Variants in MGAT4C observed in about 807,000 individuals in gnomAD.
MGAT4C encodes alpha-1,3-mannosyl-glycoprotein 4-beta-N-acetylglucosaminyltransferase C.
A neutral mutation model predicts 40.1 loss-of-function variants in MGAT4C; 19 were observed. The observed-to-expected ratio is 0.47, with a 90% CI of 0.33 to 0.70. The LOEUF (loss-of-function observed/expected upper bound fraction) is 0.70. MGAT4C is among the 30% of genes least tolerant of loss of function. MGAT4C has a pLI of 0.02. For synonymous variants in MGAT4C, 181 were observed against 187.1 expected, an observed-to-expected ratio of 0.97 and a Z score of 0.27; for missense variants, 491 against 563.2, an observed-to-expected ratio of 0.87 and a Z score of 1.30.
At chr12:86,212,761 G>A (rs1950524718) in intron 1 of MGAT4C, among the ~76,000 whole-genome samples, 1 of 129,694 alleles carries the variant, frequency 7.7e-6, no homozygotes, top group African/African-American at 2.8e-5. Flanking sequence ...GCGTAGTGGC[G>A]GTCGCCTGTA....
At chr12:86,022,359 C>T (rs532144577) in intron 2 of MGAT4C, 4 of 152,328 alleles carry the variant, frequency 2.6e-5, no homozygotes, top group East Asian at 1.9e-4. Flanking sequence ...TCTCCACTTA[C>T]TGAAGCCCTA....
intron 1 of MGAT4C, among the ~76,000 whole-genome samples, chr12:86,821,618 T>C (rs1054671882): frequency 1.3e-4 from 19 of 151,006 alleles, no homozygotes; most frequent in African/African-American, 4.6e-4. Flanking sequence ...TCTAATTGTA[T>C]TTTTGTACCC....
intron 2 of MGAT4C, among the ~76,000 whole-genome samples, chr12:86,601,838 G>A (rs747012621): frequency 2.6e-5 from 4 of 152,160 alleles, no homozygotes; most frequent in Non-Finnish European, 5.9e-5. Context: ...ACTTGCTGTG[G>A]GCGACAAGGA....
intron 1 of MGAT4C, among the ~76,000 whole-genome samples, chr12:86,182,191 G>T (rs1888204699): frequency 6.6e-6 from 1 of 152,054 alleles, no homozygotes; most frequent in South Asian, 2.1e-4. Flanking sequence ...AATGTTTGAA[G>T]ATAGCTTTCA....
At chr12:86,237,631 G>A (rs139685829) in intron 1 of MGAT4C, among the ~76,000 whole-genome samples, 59 of 151,838 alleles carry the variant, frequency 3.9e-4, no homozygotes, top group African/African-American at 1.2e-3. Flanking sequence ...ATTAAGCAGA[G>A]AGATAATGTC....
intron 3 of MGAT4C, among the ~76,000 whole-genome samples, chr12:86,373,551 C>A (rs1393571063): frequency 6.6e-6 from 1 of 151,706 alleles, no homozygotes. Flanking sequence ...AAACAGTATC[C>A]CAGAGCAGAT....
intron 4 of MGAT4C, among the ~76,000 whole-genome samples, chr12:86,321,360 G>C (rs1180046085): frequency 6.6e-6 from 1 of 152,062 alleles, no homozygotes; most frequent in Non-Finnish European, 1.5e-5. Flanking sequence ...TTTAATTTAA[G>C]TTATGCCATA....
At chr12:86,105,013 A>T (rs1875888727) in intron 1 of MGAT4C, among the ~76,000 whole-genome samples, 1 of 152,152 alleles carries the variant, frequency 6.6e-6, no homozygotes, top group South Asian at 2.1e-4. Context: ...GATGGACTTA[A>T]TTACAAAGGC....
intron 2 of MGAT4C, among the ~76,000 whole-genome samples, chr12:86,650,089 T>A (rs1438524002): frequency 6.6e-6 from 1 of 151,880 alleles, no homozygotes; most frequent in Non-Finnish European, 1.5e-5. Flanking sequence ...TACTTTTTCA[T>A]GGCATTCTAT....
rs559677003 is a variant in MGAT4C, at chr12:86,153,343, A to C, written c.-57+102896T>G. On this transcript the variant is annotated intron_variant, in intron 1 of 4. Coordinates refer to ENST00000611864, the MANE Select transcript of MGAT4C (RefSeq NM_001351288.2). ...ACACAACAAAGTAAAATATTTAATA[A>C]ATTGTTTGAGGTAAATCATGAAAGT... is the stretch of plus-strand genomic sequence containing the variant. Among the ~76,000 whole-genome samples, 54 of 152,356 alleles carry C rather than the reference A, an allele frequency of 3.5e-4. No individual in the cohort carries two copies. The East Asian group carries it at 0.01, about 29-fold the overall frequency.
intron 3 of MGAT4C, among the ~76,000 whole-genome samples, chr12:86,372,770 T>C (rs1955742433): frequency 6.6e-6 from 1 of 151,856 alleles, no homozygotes. Context: ...AGCTACAATT[T>C]CTTAGTATAG....
intron 3 of MGAT4C, among the ~76,000 whole-genome samples, chr12:86,353,735 T>C (rs1255478086): frequency 6.6e-6 from 1 of 152,174 alleles, no homozygotes; most frequent in African/African-American, 2.4e-5. Flanking sequence ...TCTCTCATTA[T>C]AGAAAGTGGA....
chr12:86,797,905 T>A (rs988480778), intron 1 of MGAT4C, among the ~76,000 whole-genome samples: 3 of 152,028 alleles, frequency 2.0e-5, no homozygotes, highest in Non-Finnish European at 4.4e-5. Context: ...GATTGTTAAA[T>A]TCATATACAT....
chr12:86,410,378 TATTA>T (rs1264397577), intron 3 of MGAT4C, among the ~76,000 whole-genome samples: 1 of 152,076 alleles, frequency 6.6e-6, no homozygotes, highest in Non-Finnish European at 1.5e-5. Context: ...TTCCGCAGGG[TATTA>T]ATTATTAATA....
At chr12:86,408,917 TTCAG>T (rs1382278555) in intron 3 of MGAT4C, among the ~76,000 whole-genome samples, 1 of 152,112 alleles carries the variant, frequency 6.6e-6, no homozygotes, top group East Asian at 1.9e-4. Context: ...TCTGTCTACG[TTCAG>T]TCACTCAATG....
At chr12:86,802,107 C>A (rs1952240921) in intron 1 of MGAT4C, among the ~76,000 whole-genome samples, 1 of 151,814 alleles carries the variant, frequency 6.6e-6, no homozygotes, top group Non-Finnish European at 1.5e-5. Context: ...TAATTGACAC[C>A]TGTGTAAACT....
chr12:86,737,921 G>A (rs941817311), intron 1 of MGAT4C, among the ~76,000 whole-genome samples: 4 of 151,420 alleles, frequency 2.6e-5, no homozygotes, highest in Non-Finnish European at 4.4e-5. Context: ...CTATTTCTCT[G>A]CTTTTTCTTT....
intron 1 of MGAT4C, among the ~76,000 whole-genome samples, chr12:86,184,543 T>A (rs1032984301): frequency 6.6e-6 from 1 of 151,978 alleles, no homozygotes; most frequent in Non-Finnish European, 1.5e-5. Flanking sequence ...GCTGTGAGGC[T>A]ACAGAGAGGG....
chr12:86,384,750 T>C lies in MGAT4C; in HGVS notation c.-120+50407A>G, dbSNP rs540163558. Reference sequence around the variant, plus strand: ...ATTAACTGAATGATATAGAACTAGCTTTCTGTTTAACGTCCAGTAATCTGG... The same window carrying C: ...ATTAACTGAATGATATAGAACTAGCCTTCTGTTTAACGTCCAGTAATCTGG... On this transcript the variant is annotated intron_variant, in intron 3 of 7. Transcript: ENST00000548651. 9.2e-5 allele frequency among the ~76,000 whole-genome samples: 14 copies of C among 152,366 alleles called. 1 individual carries two copies. The East Asian group carries it at 2.5e-3, about 27-fold the overall frequency.
Sources: gnomAD v4.1 joint callset for allele counts (sites outside exome capture counted in the v4.1 genomes callset) on GRCh38, gnomAD v4.1.1 for gene constraint, MANE v1.5 for transcripts, NCBI Gene and HGNC (gene_info 2026-07-23, HGNC 2026-07-21) for gene names.